Variants in SWI5 observed in about 807,000 individuals in gnomAD.
SWI5 encodes the protein SWI5 homologous recombination repair protein.
SWI5 carries 12 observed loss-of-function variants against 17.0 expected under a neutral mutation model. The ratio of observed to expected loss-of-function variants is 0.71; its 90% CI spans 0.45 to 1.14. SWI5 has a LOEUF of 1.14. SWI5 is among the 50% of genes most tolerant of loss of function. The pLI is 0.00. For missense variants in SWI5, 158 were observed against 162.2 expected (o/e 0.97, Z 0.14); for synonymous variants, 61 against 64.0 (o/e 0.95, Z 0.22).
intron 2 of SWI5, among the ~76,000 whole-genome samples, chr9:128,280,976 G>A (rs1039040802): frequency 4.7e-5 from 7 of 148,872 alleles, no homozygotes; most frequent in African/African-American, 1.7e-4. Flanking sequence ...GGATCCCCAT[G>A]GAGTAATGAC....
At chr9:128,288,980 T>G in exon 5 of SWI5, 1 of 519,454 alleles carries the variant, frequency 1.9e-6, no homozygotes, top group Non-Finnish European at 3.4e-6. Flanking sequence ...TAAACGTATC[T>G]GTACACTGAT....
At chr9:128,284,819 A>G (rs1364583199) in intron 3 of SWI5, among the ~76,000 whole-genome samples, 188 bp downstream of exon 3, 1 of 151,990 alleles carries the variant, frequency 6.6e-6, no homozygotes, top group Non-Finnish European at 1.5e-5. Flanking sequence ...AGCTGGGCAC[A>G]GTGGTACGCG....
chr9:128,277,996 G>C (rs1433826784), intron 2 of SWI5, among the ~76,000 whole-genome samples: 1 of 143,586 alleles, frequency 7.0e-6, no homozygotes, highest in Admixed American at 7.0e-5. Context: ...TCTGTCGCCC[G>C]GGCTGGAGTG....
intron 2 of SWI5, among the ~76,000 whole-genome samples, chr9:128,279,514 A>C (rs1260018527): frequency 3.3e-5 from 5 of 152,202 alleles, no homozygotes; most frequent in Non-Finnish European, 5.9e-5. Context: ...AGGTAGCCAA[A>C]GCAGAGAGGG....
intron 2 of SWI5, chr9:128,278,529 A>G: frequency 2.4e-6 from 1 of 422,630 alleles, no homozygotes; most frequent in Non-Finnish European, 4.7e-6. Context: ...ATCACCCTGC[A>G]CTCCAGCCTG....
chr9:128,285,953 A>T lies in SWI5; in HGVS notation c.248A>T (p.Asp83Val). 1 of 1,613,840 alleles carries T rather than the reference A, an allele frequency of 6.2e-7. No individual in the cohort carries two copies. Among genetic ancestry groups the T allele is most frequent in the Non-Finnish European group, 8.5e-7 (1 of 1,179,796 alleles). Reference sequence around the variant, plus strand: ...GCTTATCCCAGAGGCTACAGTGTGGATGAACTGGAGGACCACATTACCCAG... The same window carrying T: ...GCTTATCCCAGAGGCTACAGTGTGGTTGAACTGGAGGACCACATTACCCAG... The change falls in exon 4 of 5, where the codon GAT becomes GTT. Residue 83 changes from aspartate (D) to valine (V), a missense_variant. Physicochemically the swap from Asp to Val is radical, Grantham distance 152. Coordinates refer to ENST00000418976, the Ensembl canonical transcript of SWI5. This position sits in a 1 kb window ranked among gnomAD's most constrained non-coding sequence, Gnocchi z 4.8.
intron 2 of SWI5, among the ~76,000 whole-genome samples, chr9:128,281,687 T>G (rs1188717559): frequency 6.6e-6 from 1 of 152,244 alleles, no homozygotes; most frequent in Non-Finnish European, 1.5e-5. Flanking sequence ...CAAAAGTCCC[T>G]TCCCTCATGG....
At chr9:128,276,137 G>GGCGT (rs755733614), upstream of SWI5, 1 of 1,567,708 alleles carries the variant, frequency 6.4e-7, no homozygotes. Context: ...AGCGGAAGGG[G>GGCGT]GCGTGGCTAT....
At chr9:128,281,971 C>CAG (rs1831546897) in intron 2 of SWI5, among the ~76,000 whole-genome samples, 1 of 152,210 alleles carries the variant, frequency 6.6e-6, no homozygotes, top group Non-Finnish European at 1.5e-5. Context: ...TTGTGCTACT[C>CAG]AGGAGGCTAG....
chr9:128,280,105 T>C (rs896063023), intron 2 of SWI5, among the ~76,000 whole-genome samples: 2 of 152,200 alleles, frequency 1.3e-5, no homozygotes, highest in Non-Finnish European at 2.9e-5. Flanking sequence ...ACTATTCTTA[T>C]TCTATTTTCT....
intron 3 of SWI5, among the ~76,000 whole-genome samples, chr9:128,284,857 G>A (rs1245180195): frequency 6.6e-6 from 1 of 151,152 alleles, no homozygotes; most frequent in Admixed American, 6.6e-5. Flanking sequence ...TTGGGAGGCT[G>A]AGGCAGAAGA....
At chr9:128,279,005 A>C (rs545115079) in intron 2 of SWI5, among the ~76,000 whole-genome samples, 1 of 152,102 alleles carries the variant, frequency 6.6e-6, no homozygotes, top group African/African-American at 2.4e-5. Flanking sequence ...TCCTGACCTC[A>C]GTGATCCACC....
intron 2 of SWI5, among the ~76,000 whole-genome samples, chr9:128,283,388 T>A (rs962594712): frequency 1.3e-5 from 2 of 152,170 alleles, no homozygotes; most frequent in African/African-American, 4.8e-5. Flanking sequence ...TCCCAGCTAT[T>A]CAGGAAGCTG....
chr9:128,284,356 A>G (rs1045923689), intron 2 of SWI5, among the ~76,000 whole-genome samples, 154 bp from the exon 3 acceptor site: 4 of 151,452 alleles, frequency 2.6e-5, no homozygotes, highest in African/African-American at 4.9e-5. Context: ...ATAGGGCCAC[A>G]TCTAATTCCA....
In SWI5 at chr9:128,276,406, G is replaced by A; in HGVS notation, c.62+4G>A. The A allele has an allele frequency of 6.2e-7, 1 of 1,611,846 alleles. No individual in the cohort carries two copies. ...CTCGGACCCCAGGGCTCAGGAGGTG[G>A]GCGAGGAACGGACTCCACAGTTTCT... is the stretch of plus-strand genomic sequence containing the variant. On this transcript the variant is annotated splice_donor_region_variant and intron_variant, in intron 1 of 4. Coordinates refer to ENST00000418976, the Ensembl canonical transcript of SWI5.
Position 128,285,999 on chromosome 9 carries a change from C to G in SWI5, c.294C>G (p.Ile98Met). 6.2e-7 allele frequency: 1 copy of G among 1,614,056 alleles called. No individual in the cohort carries two copies. The highest frequency in any genetic ancestry group is 1.1e-5 in the South Asian group (1 of 91,090). ...CCCAGCTTCACGAGTACAATGACAT[C>G]AAGGATGTGGGGCAGATGCTGATGG... The change falls in exon 4 of 5, where the codon ATC (isoleucine) becomes ATG (methionine). Residue 98 changes from isoleucine (I) to methionine (M), a missense_variant. Physicochemically the swap from Ile to Met is conservative, Grantham distance 10. Transcript: ENST00000418976. This position sits in a 1 kb window ranked among gnomAD's most constrained non-coding sequence, Gnocchi z 4.8.
At chr9:128,275,467 C>T, upstream of SWI5, 6 of 1,300,626 alleles carry the variant, frequency 4.6e-6, no homozygotes, top group Non-Finnish European at 4.9e-6. Context: ...ACCAAAGAAC[C>T]CCGGGAGGTC....
upstream of SWI5, chr9:128,275,801 G>A: frequency 1.4e-6 from 1 of 696,598 alleles, no homozygotes; most frequent in Non-Finnish European, 2.4e-6. Flanking sequence ...CCAGCCCGGT[G>A]TGCCTCAGGA....
At chr9:128,276,238 C>A, upstream of SWI5, 1 of 1,612,286 alleles carries the variant, frequency 6.2e-7, no homozygotes, top group Non-Finnish European at 8.5e-7. Context: ...GGGGCGGGGC[C>A]GGCTTTCCTT....
Sources: allele counts gnomAD v4.1 joint callset (sites outside exome capture counted in the v4.1 genomes callset), GRCh38; gene constraint gnomAD v4.1.1; non-coding constraint Gnocchi (gnomAD v3.1); transcripts MANE v1.5; gene names NCBI Gene and HGNC (gene_info 2026-07-23, HGNC 2026-07-21).